ATRNL1: variants seen among roughly 807,000 people sequenced by gnomAD.
The protein encoded by ATRNL1 is attractin like 1.
In ATRNL1, 95 loss-of-function variants were observed where a neutral mutation model predicts 182.7. That is an observed-to-expected ratio of 0.52 (90% CI 0.44 to 0.62). The LOEUF is 0.62. ATRNL1 is among the 20% of genes least tolerant of loss of function. ATRNL1 has a pLI of 0.00. For synonymous variants in ATRNL1, 576 were observed against 568.3 expected (o/e 1.01, Z -0.19); for missense variants, 1,471 against 1,679.5 (o/e 0.88, Z 2.17).
In ATRNL1 at chr10:115,580,738, A is replaced by G. The variant is rs74158388; in HGVS notation, c.3795+31202A>G. The stretch of plus-strand genomic sequence containing the variant: ...CCTATAATGTATGTAATTGTTACCC[A>G]TAAGTCCCATAAAGCTGTCTTCAGT... On this transcript the variant is annotated intron_variant, in intron 26 of 28. Transcript: ENST00000355044. 8.5e-3 allele frequency among the ~76,000 whole-genome samples: 1,293 copies of G among 151,510 alleles called. 13 individuals carry two copies. Among genetic ancestry groups the G allele is most frequent in the African/African-American group, 0.03 (1,227 of 41,344 alleles).
At chr10:115,630,895 A>G (rs1858461623) in intron 26 of ATRNL1, among the ~76,000 whole-genome samples, 1 of 149,452 alleles carries the variant, frequency 6.7e-6, no homozygotes, top group African/African-American at 2.4e-5. Context: ...TTCAGCCTTA[A>G]AAAAGGAGAT....
chr10:115,928,269 A>C (rs1451707662), intron 28 of ATRNL1, among the ~76,000 whole-genome samples: 6 of 152,028 alleles, frequency 3.9e-5, no homozygotes, highest in Admixed American at 3.3e-4. Context: ...AAATTAATTT[A>C]TTGTGTTTTT....
At chr10:115,630,857 C>G (rs945276192) in intron 26 of ATRNL1, among the ~76,000 whole-genome samples, 2 of 145,632 alleles carry the variant, frequency 1.4e-5, no homozygotes, top group African/African-American at 5.3e-5. Context: ...CACACACACA[C>G]ACACACACAC....
At chr10:115,169,892 T>C (rs1376477646) in intron 7 of ATRNL1, among the ~76,000 whole-genome samples, 1 of 152,132 alleles carries the variant, frequency 6.6e-6, no homozygotes, top group African/African-American at 2.4e-5. Flanking sequence ...TTTTATTCTT[T>C]TAGATGCTTT....
At chr10:115,939,569 G>A (rs782281687) in intron 28 of ATRNL1, among the ~76,000 whole-genome samples, 31 of 152,116 alleles carry the variant, frequency 2.0e-4, no homozygotes, top group Admixed American at 5.9e-4. Context: ...TCATCTTTAC[G>A]TGGTAAATGA....
At chr10:115,143,895 T>C (rs575626210) in intron 5 of ATRNL1, among the ~76,000 whole-genome samples, 1 of 152,180 alleles carries the variant, frequency 6.6e-6, no homozygotes, top group South Asian at 2.1e-4. Flanking sequence ...CACCTACTAA[T>C]ACTATCACGT....
chr10:115,721,190 A>T (rs1383736466), intron 26 of ATRNL1, among the ~76,000 whole-genome samples: 9 of 152,182 alleles, frequency 5.9e-5, no homozygotes, highest in Non-Finnish European at 1.3e-4. Flanking sequence ...TGTCTTGGTC[A>T]TATGAATTAT....
At chr10:115,292,658 C>T (rs1460504915) in intron 15 of ATRNL1, among the ~76,000 whole-genome samples, 1 of 151,860 alleles carries the variant, frequency 6.6e-6, no homozygotes, top group Non-Finnish European at 1.5e-5. Flanking sequence ...TCCATTTATT[C>T]ACATTGTTTT....
chr10:115,134,649 A>C (rs1427525858), intron 5 of ATRNL1, among the ~76,000 whole-genome samples: 1 of 152,226 alleles, frequency 6.6e-6, no homozygotes, highest in Non-Finnish European at 1.5e-5. Context: ...TATTTCAATC[A>C]ATAGAAAAAG....
chr10:115,923,532 G>A (rs1360028213), intron 28 of ATRNL1, among the ~76,000 whole-genome samples: 3 of 152,102 alleles, frequency 2.0e-5, no homozygotes, highest in African/African-American at 7.2e-5. Context: ...TCCTGTGTTA[G>A]TTTGCTGAGG....
At chr10:115,553,880 G>A (rs1554996265) in intron 26 of ATRNL1, among the ~76,000 whole-genome samples, 1 of 151,430 alleles carries the variant, frequency 6.6e-6, no homozygotes, top group Non-Finnish European at 1.5e-5. Flanking sequence ...TCTCATCTAA[G>A]TAATATTAAT....
At chr10:115,849,247 C>A (rs2134359573) in intron 28 of ATRNL1, among the ~76,000 whole-genome samples, 1 of 152,240 alleles carries the variant, frequency 6.6e-6, no homozygotes, top group Middle Eastern at 3.4e-3. Flanking sequence ...ATGTCTTGTT[C>A]TTTTCCTTTC....
chr10:115,267,062 A>G (rs1258619105), intron 12 of ATRNL1, 57 bp downstream of exon 12: 4 of 1,178,916 alleles, frequency 3.4e-6, no homozygotes, highest in Admixed American at 3.8e-5. Context: ...CTACAGAAGT[A>G]GAAATATCTT....
At chr10:115,822,907 G>A (rs557687846) in intron 27 of ATRNL1, among the ~76,000 whole-genome samples, 2 of 152,198 alleles carry the variant, frequency 1.3e-5, no homozygotes, top group East Asian at 1.9e-4. Context: ...CAGAAAAAGG[G>A]GGACTCCTCC....
At chr10:115,817,562 G>C (rs1411980522) in intron 27 of ATRNL1, among the ~76,000 whole-genome samples, 6 of 152,030 alleles carry the variant, frequency 3.9e-5, no homozygotes, top group Non-Finnish European at 7.4e-5. Context: ...AAAGAAGAGT[G>C]AGCCACCTGT....
At chr10:115,367,640 C>T (rs1371813703) in intron 19 of ATRNL1, among the ~76,000 whole-genome samples, 1 of 148,026 alleles carries the variant, frequency 6.8e-6, no homozygotes, top group Non-Finnish European at 1.5e-5. Context: ...TTTTCCCCAT[C>T]TTTGTGGTTT....
chr10:115,479,307 G>T (rs1848661804), intron 24 of ATRNL1, among the ~76,000 whole-genome samples: 1 of 151,508 alleles, frequency 6.6e-6, no homozygotes, highest in African/African-American at 2.4e-5. Flanking sequence ...TAGAAATCGA[G>T]AAATGTTTTA....
intron 27 of ATRNL1, among the ~76,000 whole-genome samples, chr10:115,758,065 T>A (rs574290642): frequency 6.6e-6 from 1 of 151,886 alleles, no homozygotes; most frequent in Non-Finnish European, 1.5e-5. Flanking sequence ...TCATATAACC[T>A]TTTTTTCCAG....
intron 26 of ATRNL1, among the ~76,000 whole-genome samples, chr10:115,648,835 T>A (rs1555033536): frequency 6.6e-6 from 1 of 152,198 alleles, no homozygotes; most frequent in African/African-American, 2.4e-5. Context: ...TTTAATTCAC[T>A]GAAGTGGCAA....
Sources: gnomAD v4.1 joint callset for allele counts (sites outside exome capture counted in the v4.1 genomes callset) on GRCh38, gnomAD v4.1.1 for gene constraint, MANE v1.5 for transcripts, NCBI Gene and HGNC (gene_info 2026-07-23, HGNC 2026-07-21) for gene names.